Variants in CYYR1 observed in about 807,000 individuals in gnomAD.
The protein encoded by CYYR1 is cysteine and tyrosine-rich protein 1.
A neutral mutation model predicts 15.2 loss-of-function variants in CYYR1; 14 were observed. The ratio of observed to expected loss-of-function variants is 0.92; its 90% CI spans 0.61 to 1.44. The LOEUF is 1.44. Ranked by LOEUF, CYYR1 falls within the 40% of genes most tolerant of loss-of-function variation. CYYR1 has a pLI of 0.00. For missense variants in CYYR1, 228 were observed against 209.5 expected, an observed-to-expected ratio of 1.09 and a Z score of -0.54; for synonymous variants, 80 against 77.4, an observed-to-expected ratio of 1.03 and a Z score of -0.18.
At chr21:26,501,468 AATTCTTACAGGT>A (rs1601759601) in intron 2 of CYYR1, among the ~76,000 whole-genome samples, 3 of 152,332 alleles carry the variant, frequency 2.0e-5, no homozygotes, top group East Asian at 1.9e-4. Flanking sequence ...TATCACTTCT[AATTCTTACAGGT>A]TTTATACAGA....
intron 2 of CYYR1, among the ~76,000 whole-genome samples, chr21:26,543,697 G>A (rs576186280): frequency 1.3e-5 from 2 of 152,232 alleles, no homozygotes; most frequent in East Asian, 1.9e-4. Flanking sequence ...CCTGAGGTCC[G>A]GAGTTCGAGA....
At chr21:26,544,838 C>A (rs929792853) in intron 2 of CYYR1, among the ~76,000 whole-genome samples, 1 of 152,086 alleles carries the variant, frequency 6.6e-6, no homozygotes, top group Admixed American at 6.5e-5. Context: ...GTAATCCCAG[C>A]ACTTTGGGAG....
At chr21:26,557,250 C>G (rs1003061106) in intron 2 of CYYR1, among the ~76,000 whole-genome samples, 15 of 152,246 alleles carry the variant, frequency 9.9e-5, no homozygotes, top group African/African-American at 3.6e-4. Flanking sequence ...ACCAAAAACA[C>G]TTTCTTTTAT....
Position 26,480,374 on chromosome 21 carries a change from C to T in CYYR1, c.232G>A (p.Ala78Thr). The T allele has an allele frequency of 6.2e-7, 1 of 1,613,470 alleles. No homozygotes were observed. Among genetic ancestry groups the T allele is most frequent in the Non-Finnish European group, 8.5e-7 (1 of 1,179,658 alleles). ...ATGCAGATGCATATGGCAATCCCAG[C>T]AATGACCCCCATGATAAATACTATT... ...FGIVFIMGVI[A>T]GIAICICMCM... is the part of the protein sequence containing the mutation. Residue 78 changes from alanine to threonine, a missense_variant, in exon 3 of 4, where the codon GCT (alanine) becomes ACT (threonine). Physicochemically the swap from Ala to Thr is moderately conservative, Grantham distance 58. Transcript: ENST00000652641.
chr21:26,472,645 C>A (rs934953178), intron 3 of CYYR1, among the ~76,000 whole-genome samples: 6 of 151,894 alleles, frequency 4.0e-5, no homozygotes, highest in African/African-American at 9.7e-5. Context: ...AAATGAGGAT[C>A]TTAATTTCAA....
At chr21:26,481,723 A>T (rs966625143) in intron 2 of CYYR1, among the ~76,000 whole-genome samples, 1 of 151,868 alleles carries the variant, frequency 6.6e-6, no homozygotes, top group Non-Finnish European at 1.5e-5. Context: ...AGAATGCTTC[A>T]TTTTCCTCTG....
At chr21:26,567,102 C>A (rs940999608) in intron 1 of CYYR1, among the ~76,000 whole-genome samples, 1 of 151,494 alleles carries the variant, frequency 6.6e-6, no homozygotes, top group Non-Finnish European at 1.5e-5. Flanking sequence ...ATATATAATA[C>A]CAAAAAGGAA....
chr21:26,540,528 G>A (rs879493726), intron 2 of CYYR1, among the ~76,000 whole-genome samples: 4 of 152,122 alleles, frequency 2.6e-5, no homozygotes, highest in African/African-American at 2.4e-5. Context: ...TAAACTCTGC[G>A]GAAAATCTTA....
intron 2 of CYYR1, among the ~76,000 whole-genome samples, chr21:26,545,322 G>T (rs1161430132): frequency 1.3e-5 from 2 of 151,808 alleles, no homozygotes; most frequent in Non-Finnish European, 2.9e-5. Flanking sequence ...AAGTCATTTT[G>T]TTCTGTTCTC....
At chr21:26,477,771 TC>T in intron 3 of CYYR1, 1 of 985,258 alleles carries the variant, frequency 1.0e-6, no homozygotes, top group Non-Finnish European at 1.2e-6. Flanking sequence ...TGCTTGACTT[TC>T]TTCTGTTTTT....
chr21:26,543,344 A>G (rs1157009140), intron 2 of CYYR1, among the ~76,000 whole-genome samples: 1 of 152,182 alleles, frequency 6.6e-6, no homozygotes, highest in African/African-American at 2.4e-5. Context: ...ATAAAAATAA[A>G]ATTTTAAAAA....
At chr21:26,559,921 A>T (rs183731141) in intron 2 of CYYR1, among the ~76,000 whole-genome samples, 138 of 152,216 alleles carry the variant, frequency 9.1e-4, no homozygotes, top group Middle Eastern at 3.4e-3. Flanking sequence ...TTCTCTTCCC[A>T]CGATCTTTAC....
Position 26,480,333 on chromosome 21 carries a change from G to C in CYYR1, c.273C>G (p.His91Gln), listed in dbSNP as rs1569140183. Residue 91 changes from histidine to glutamine, a missense_variant, in exon 3 of 4, where the codon CAC becomes CAG. Physicochemically the swap from His to Gln is conservative, Grantham distance 24. Coordinates refer to ENST00000652641, the MANE Select transcript of CYYR1 (RefSeq NM_001320768.2). ...TGAGGATGCCCACGCGGGTCGCCCT[G>C]TGGTTCTTCATGCACATGCAGATGC... ...AICICMCMKN[H>Q]RATRVGILRT... 6.2e-7 allele frequency: 1 copy of C among 1,613,632 alleles called. No individual in the cohort carries two copies. Among genetic ancestry groups the C allele is most frequent in the Non-Finnish European group, 8.5e-7 (1 of 1,179,720 alleles).
chr21:26,492,566 A>G (rs17002210), intron 2 of CYYR1, among the ~76,000 whole-genome samples: 5,028 of 152,282 alleles, frequency 0.033, 284 homozygotes, highest in African/African-American at 0.11. Context: ...AATGAATGAC[A>G]GAGACAGATG....
chr21:26,474,945 G>A (rs2830244), intron 3 of CYYR1, among the ~76,000 whole-genome samples: 20,695 of 151,958 alleles, frequency 0.14, 1,459 homozygotes, highest in South Asian at 0.19. Context: ...TTACTCTTTT[G>A]CACCTATTGT....
intron 2 of CYYR1, among the ~76,000 whole-genome samples, chr21:26,520,113 G>GATATATATATATATATAT (rs71183558): frequency 5.1e-4 from 61 of 120,682 alleles, no homozygotes; most frequent in African/African-American, 9.1e-4. Flanking sequence ...AAACCCAGGA[G>GATATATATATATATATAT]ATATATATAT....
chr21:26,469,668 T>C (rs765171301), intron 3 of CYYR1, among the ~76,000 whole-genome samples: 2 of 152,106 alleles, frequency 1.3e-5, no homozygotes, highest in African/African-American at 4.8e-5. Context: ...TTTGAAACTA[T>C]ATATTATTGT....
At chr21:26,523,792 T>C (rs2065831115) in intron 2 of CYYR1, among the ~76,000 whole-genome samples, 1 of 152,170 alleles carries the variant, frequency 6.6e-6, no homozygotes, top group African/African-American at 2.4e-5. Flanking sequence ...CACACCATCT[T>C]GCCTTCAGTA....
intron 3 of CYYR1, among the ~76,000 whole-genome samples, chr21:26,474,388 A>T (rs915189788): frequency 1.3e-5 from 2 of 150,766 alleles, no homozygotes; most frequent in African/African-American, 4.9e-5. Flanking sequence ...ATGCCATGAA[A>T]AAAGAAGAAT....
Sources: gnomAD v4.1 joint callset for allele counts (sites outside exome capture counted in the v4.1 genomes callset) on GRCh38, gnomAD v4.1.1 for gene constraint, MANE v1.5 for transcripts, NCBI Gene and HGNC (gene_info 2026-07-23, HGNC 2026-07-21) for gene names.